ARAF: variants seen among roughly 807,000 people sequenced by gnomAD.
ARAF encodes serine/threonine-protein kinase A-Raf.
A neutral mutation model predicts 48.0 loss-of-function variants in ARAF; 18 were observed. The observed-to-expected ratio is 0.37, with a 90% CI of 0.26 to 0.56. The LOEUF is 0.56. Among genes scored for constraint, ARAF ranks in the 20% least tolerant of loss-of-function variants. The pLI is 0.77. For synonymous variants in ARAF, 207 were observed against 220.1 expected (o/e 0.94, Z 0.53); for missense variants, 389 against 543.1 (o/e 0.72, Z 2.82).
At chrX:47,562,540 C>A (rs1603041773) in intron 1 of ARAF, among the ~76,000 whole-genome samples, 1 of 106,373 alleles carries the variant, frequency 9.4e-6, no homozygotes, top group South Asian at 4.2e-4. Flanking sequence ...TCTGTTCGTG[C>A]TTCTTATGTA....
chrX:47,566,594 G>T (rs2057733711), intron 6 of ARAF, 45 bp from the exon 7 acceptor site: 2 of 1,130,591 alleles, frequency 1.8e-6, no homozygotes, highest in African/African-American at 3.6e-5. Context: ...GGCTTTCTCG[G>T]TTCTCTGATT....
Position 47,566,731 on chromosome X carries a change from A to G in ARAF, c.650A>G (p.Asn217Ser). ...LQRIRSTSTPNVHMVSTTAPM... is the reference protein window; with the variant it reads ...LQRIRSTSTPSVHMVSTTAPM... ...CGCATCCGCTCCACGTCCACTCCCA[A>G]CGTCCATATGGTCAGCACCACGGCC... Residue 217 changes from asparagine to serine, a missense_variant, in exon 7 of 16, where the codon AAC becomes AGC. Around this residue, in one of 4 missense-constraint regions of ARAF, gnomAD observed 154 missense variants for 133.6 expected, o/e 1.15. Transcript: ENST00000377045. The G allele has an allele frequency of 8.3e-7, 1 of 1,208,432 alleles. No individual in the cohort carries two copies. The highest frequency in any genetic ancestry group is 1.1e-6 in the Non-Finnish European group (1 of 893,962).
rs761174890 is a variant in ARAF at position 47,566,592 on chromosome X, C to T, written c.558-47C>T. On this transcript the variant is annotated intron_variant, in intron 6 of 15. Coordinates refer to ENST00000377045, the MANE Select transcript of ARAF (RefSeq NM_001654.5). The stretch of plus-strand genomic sequence containing the variant: ...CTGGGGGTGGGGTGGGGGGCTTTCT[C>T]GGTTCTCTGATTCCTGGCAGTGATT... 1.4e-5 allele frequency: 16 copies of T among 1,124,038 alleles called. No homozygotes were observed. The East Asian group carries it at 1.6e-4, about 11-fold the overall frequency. The allele number at this position is 1,124,038 out of a possible 1,213,427, so 92.6% of individuals were successfully genotyped here.
chrX:47,563,408 C>T (rs2057719143), intron 3 of ARAF, 79 bp downstream of exon 3: 4 of 777,543 alleles, frequency 5.1e-6, no homozygotes, highest in Non-Finnish European at 7.7e-6. Context: ...TCCTTCTGTA[C>T]TTTATCACAG....
intron 1 of ARAF, among the ~76,000 whole-genome samples, chrX:47,561,652 T>G (rs1235618975): frequency 9.1e-6 from 1 of 109,574 alleles, no homozygotes; most frequent in Non-Finnish European, 1.9e-5. Flanking sequence ...TGGATCAGTG[T>G]CTGACCGCCC....
At chrX:47,568,629 A>G in intron 10 of ARAF, 89 bp from the exon 11 acceptor site, 4 of 957,877 alleles carry the variant, frequency 4.2e-6, no homozygotes, top group Non-Finnish European at 5.8e-6. Flanking sequence ...TGACCGAGGA[A>G]GGTAAAGAAC....
At chrX:47,566,811 C>T (rs1286748083) in intron 7 of ARAF, 31 bp downstream of exon 7, 6 of 1,209,761 alleles carry the variant, frequency 5.0e-6, no homozygotes, top group Non-Finnish European at 6.7e-6. Flanking sequence ...TGCCGGGGAC[C>T]ACAGGGCAGA....
chrX:47,566,761 T>G lies in ARAF; in HGVS notation c.680T>G (p.Met227Arg). Residue 227 changes from methionine (M) to arginine (R), a missense_variant, in exon 7 of 16, where the codon ATG becomes AGG. By Grantham distance (91) the Met-to-Arg change is moderately conservative (BLOSUM62 -1). Transcript: ENST00000377045. ...CATATGGTCAGCACCACGGCCCCCATGGACTCCAACCTCATCCAGGTTGGT... is the reference window on the plus strand; with the variant it reads ...CATATGGTCAGCACCACGGCCCCCAGGGACTCCAACCTCATCCAGGTTGGT... ...NVHMVSTTAP[M>R]DSNLIQLTGQ... is the part of the protein sequence containing the mutation. 2.5e-6 allele frequency: 3 copies of G among 1,209,751 alleles called. No individual in the cohort carries two copies. The highest frequency in any genetic ancestry group is 3.4e-6 in the Non-Finnish European group (3 of 894,367).
Position 47,567,094 on chromosome X carries a change from G to A in ARAF, c.836G>A (p.Arg279His), listed in dbSNP as rs1046676785. Residue 279 changes from arginine (R) to histidine (H), a missense_variant, in exon 9 of 16, where the codon CGC becomes CAC. Arg to His is a conservative substitution (Grantham distance 29). Around this residue, in one of 4 missense-constraint regions of ARAF, gnomAD observed 154 missense variants for 133.6 expected, o/e 1.15. Transcript: ENST00000377045. The part of the protein sequence containing the change: ...SPHSKSPAEQ[R>H]ERKSLADDKK... The stretch of plus-strand genomic sequence containing the variant: ...CATTCCAAGTCACCAGCAGAGCAGC[G>A]CGAGCGGAAGTCCTTGGCCGATGAC... 5 of 1,211,800 alleles carry A rather than the reference G, an allele frequency of 4.1e-6. No individual in the cohort carries two copies. Among genetic ancestry groups the A allele is most frequent in the African/African-American group, 3.5e-5 (2 of 57,823 alleles).
Position 47,569,646 on chromosome X carries a change from G to T in ARAF, c.1408G>T (p.Val470Leu). The T allele has an allele frequency of 8.3e-7, 1 of 1,209,529 alleles. No homozygotes were observed. The highest frequency in any genetic ancestry group is 2.3e-4 in the Middle Eastern group (1 of 4,312). The stretch of plus-strand genomic sequence containing the variant: ...GCCCTTGGAGCAGCCCTCAGGATCT[G>T]TGCTGTGGATGGTGAGTTGGGCCAG... Reference protein sequence around the residue: ...AQPLEQPSGSVLWMAAEVIRM... With the variant: ...AQPLEQPSGSLLWMAAEVIRM... The change falls in exon 13 of 16, where the codon GTG becomes TTG. Residue 470 changes from valine to leucine, a missense_variant. Around this residue, in one of 4 missense-constraint regions of ARAF, gnomAD observed 170 missense variants for 281.4 expected, o/e 0.60. Transcript: ENST00000377045.
At position 47,571,630 on chromosome X, in the gene ARAF, C is replaced by T. The variant is rs2147910675; in HGVS notation, c.*173C>T. On this transcript the variant is annotated 3_prime_UTR_variant, in exon 16 of 16. Transcript: ENST00000377045. ...TTCCAGTTCTTCTGGAATTGGGGGA[C>T]CCCCGCCAAAGACTGAGCCCCCTGT... 1 of 700,532 alleles carries T rather than the reference C, an allele frequency of 1.4e-6. No homozygotes were observed. Among genetic ancestry groups the T allele is most frequent in the Non-Finnish European group, 2.0e-6 (1 of 498,501 alleles). The allele number at this position is 700,532 out of a possible 1,213,427, so 57.7% of individuals were successfully genotyped here. A position where few individuals can be genotyped will look rare whatever the true frequency, so the allele number is the denominator to read the frequency against.
At chrX:47,562,774 C>T (rs2057715673) in intron 1 of ARAF, 135 bp from the exon 2 acceptor site, 2 of 420,773 alleles carry the variant, frequency 4.8e-6, no homozygotes. Flanking sequence ...TGAGCAGGAT[C>T]TCTTGGACTG....
In ARAF at chrX:47,571,212, G is replaced by GGTGTGT. The variant is rs753017950; in HGVS notation, c.1687-80_1687-75dup. 2.0e-3 allele frequency: 1,152 copies of GGTGTGT among 574,979 alleles called. 1 individual carries two copies. The highest frequency in any genetic ancestry group is 4.5e-3 in the Middle Eastern group (9 of 1,985). The allele number at this position is 574,979 out of a possible 1,213,427, so 47.4% of individuals were successfully genotyped here. A position where few individuals can be genotyped will look rare whatever the true frequency, so the allele number is the denominator to read the frequency against. ...TTTCGCCATGAGGCTGGGACTGTTG[G>GGTGTGT]GTGTGTGTGTGTGTGTGTGTGTGTG... is the stretch of plus-strand genomic sequence containing the variant. On this transcript the variant is annotated intron_variant, in intron 15 of 15. Coordinates refer to ENST00000377045, the MANE Select transcript of ARAF (RefSeq NM_001654.5).
chrX:47,571,647 GC>G lies in ARAF; in HGVS notation c.*195del. ...TTGGGGGACCCCCGCCAAAGACTGA[GC>G]CCCCTGTCTCCTCCATCATTTGGTT... On this transcript the variant is annotated 3_prime_UTR_variant, in exon 16 of 16. Transcript: ENST00000377045. 1 of 582,556 alleles carries G rather than the reference GC, an allele frequency of 1.7e-6. No homozygotes were observed. The highest frequency in any genetic ancestry group is 2.5e-6 in the Non-Finnish European group (1 of 392,591). 48.0% of individuals were successfully genotyped at this position (582,556 alleles called of 1,213,427 possible).
intron 5 of ARAF, 55 bp from the exon 6 acceptor site, chrX:47,565,197 C>T: frequency 8.3e-7 from 1 of 1,207,437 alleles, no homozygotes; most frequent in East Asian, 3.0e-5. Flanking sequence ...AGCCACGAGG[C>T]CCTTACAGAC....
At chrX:47,569,470 G>A in intron 12 of ARAF, 69 bp from the exon 13 acceptor site, 2 of 940,737 alleles carry the variant, frequency 2.1e-6, no homozygotes, top group Non-Finnish European at 3.0e-6. Context: ...GGGCACCAAT[G>A]GGAACCTCCC....
chrX:47,564,544 T>C (rs899473387), intron 3 of ARAF, among the ~76,000 whole-genome samples: 8 of 112,551 alleles, frequency 7.1e-5, no homozygotes, highest in African/African-American at 2.6e-4. Flanking sequence ...TTTCAGAGCA[T>C]GGACTCTTCA....
At position 47,570,610 on chromosome X, in the gene ARAF, G is replaced by A. The variant is rs1483517416; in HGVS notation, c.1552-268G>A. Reference sequence around the variant, plus strand: ...TTTTCCCGAGACTCAGTACTTTCCAGGTCCCTAAGCCTCCTAGAAACCCGT... The same window carrying A: ...TTTTCCCGAGACTCAGTACTTTCCAAGTCCCTAAGCCTCCTAGAAACCCGT... On this transcript the variant is annotated intron_variant, in intron 14 of 15. Coordinates refer to ENST00000377045, the MANE Select transcript of ARAF (RefSeq NM_001654.5). Among the ~76,000 whole-genome samples the A allele has an allele frequency of 5.2e-4, 57 of 110,186 alleles. No individual in the cohort carries two copies. The Admixed American group carries it at 5.4e-3, about 10-fold the overall frequency.
At chrX:47,571,142 T>TGC in intron 15 of ARAF, 130 bp downstream of exon 15, 1 of 977,101 alleles carries the variant, frequency 1.0e-6, no homozygotes, top group Non-Finnish European at 1.4e-6. Context: ...TGTGTGTGTG[T>TGC]TTCACCATGA....
Sources: allele counts gnomAD v4.1 joint callset (sites outside exome capture counted in the v4.1 genomes callset), GRCh38; gene constraint gnomAD v4.1.1; regional missense constraint gnomAD v4.1.1; transcripts MANE v1.5; gene names NCBI Gene and HGNC (gene_info 2026-07-23, HGNC 2026-07-21).